LRRC4C: variants seen among roughly 807,000 people sequenced by gnomAD.
LRRC4C encodes the protein leucine-rich repeat-containing protein 4C.
LRRC4C carries 5 observed loss-of-function variants against 33.6 expected under a neutral mutation model. The observed-to-expected ratio is 0.15, with a 90% CI of 0.08 to 0.31. The LOEUF (loss-of-function observed/expected upper bound fraction) is 0.31. Among genes scored for constraint, LRRC4C ranks in the 10% least tolerant of loss-of-function variants. LRRC4C has a pLI of 1.00. For synonymous variants in LRRC4C, 329 were observed against 302.0 expected (o/e 1.09, Z -0.93); for missense variants, 560 against 796.7 (o/e 0.70, Z 3.58).
At chr11:40,862,407 G>T (rs753834435) in intron 2 of LRRC4C, among the ~76,000 whole-genome samples, 1 of 152,120 alleles carries the variant, frequency 6.6e-6, no homozygotes, top group Non-Finnish European at 1.5e-5. Context: ...AGGAGGCAAA[G>T]AATCATTTGT....
intron 4 of LRRC4C, among the ~76,000 whole-genome samples, chr11:40,266,806 T>C (rs1208371967): frequency 6.6e-6 from 1 of 152,160 alleles, no homozygotes; most frequent in African/African-American, 2.4e-5. Context: ...CAGTCAATAA[T>C]AGAGACAGTA....
In LRRC4C at chr11:40,184,581, G is replaced by A. The variant is rs561310772; in HGVS notation, c.-95-43728C>T. Among the ~76,000 whole-genome samples the A allele has an allele frequency of 2.6e-5, 4 of 152,304 alleles. No homozygotes were observed. In the East Asian group the frequency reaches 7.7e-4, roughly 29 times the overall value. Reference sequence around the variant, plus strand: ...CAAGCATCTGTGGCAGTCTTGGGGAGGTCATTGAATTTCTAACAGTACTCC... The same window carrying A: ...CAAGCATCTGTGGCAGTCTTGGGGAAGTCATTGAATTTCTAACAGTACTCC... On this transcript the variant is annotated intron_variant, in intron 5 of 6. Transcript: ENST00000528697.
In LRRC4C at chr11:40,321,615, CT is replaced by C. The variant is rs1945852764; in HGVS notation, c.-269-1895del. Among the ~76,000 whole-genome samples the C allele has an allele frequency of 2.6e-5, 4 of 152,290 alleles. No individual in the cohort carries two copies. The South Asian group carries it at 8.3e-4, about 32-fold the overall frequency. The stretch of plus-strand genomic sequence containing the variant: ...TTTAATCCCCAAGCCTATACTTTTT[CT>C]TACTATGAACTGTGCTATGTATCCT... On this transcript the variant is annotated intron_variant, in intron 3 of 6. Coordinates refer to ENST00000528697, the MANE Select transcript of LRRC4C (RefSeq NM_001258419.2).
chr11:40,643,956 C>A (rs75642242), intron 3 of LRRC4C, among the ~76,000 whole-genome samples: 1 of 151,928 alleles, frequency 6.6e-6, no homozygotes, highest in Non-Finnish European at 1.5e-5. Context: ...CTGCAAACTA[C>A]GTATTCTACC....
chr11:40,889,008 G>C (rs931227605), intron 2 of LRRC4C, among the ~76,000 whole-genome samples: 1 of 151,930 alleles, frequency 6.6e-6, no homozygotes, highest in African/African-American at 2.4e-5. Flanking sequence ...CTTCCTTCCT[G>C]GAGGGCAATT....
intron 3 of LRRC4C, among the ~76,000 whole-genome samples, chr11:40,579,784 G>A (rs1591166596): frequency 1.3e-5 from 2 of 152,150 alleles, no homozygotes; most frequent in East Asian, 3.9e-4. Flanking sequence ...AACCCTAACT[G>A]CTGGTTCTTC....
At chr11:40,987,713 T>C (rs1282215381) in intron 1 of LRRC4C, among the ~76,000 whole-genome samples, 1 of 145,034 alleles carries the variant, frequency 6.9e-6, no homozygotes, top group African/African-American at 2.5e-5. Context: ...GAGATATATA[T>C]GATATATATA....
At chr11:40,339,569 C>T (rs1228985428) in intron 3 of LRRC4C, among the ~76,000 whole-genome samples, 3 of 152,168 alleles carry the variant, frequency 2.0e-5, no homozygotes, top group Non-Finnish European at 4.4e-5. Context: ...ATAAAGCTGG[C>T]AGGCAATATA....
At chr11:41,185,448 T>C (rs948317772) in intron 1 of LRRC4C, among the ~76,000 whole-genome samples, 14 of 152,324 alleles carry the variant, frequency 9.2e-5, no homozygotes, top group African/African-American at 3.4e-4. Context: ...GTGTTTGTAA[T>C]CTGTAGAAGC....
chr11:40,242,189 T>C (rs573758093), intron 4 of LRRC4C, among the ~76,000 whole-genome samples: 1 of 152,336 alleles, frequency 6.6e-6, no homozygotes, highest in Admixed American at 6.5e-5. Context: ...AAATGTTTTT[T>C]TTCTTATTGC....
At chr11:41,410,568 G>GTAGC (rs1954433661) in intron 1 of LRRC4C, among the ~76,000 whole-genome samples, 1 of 151,920 alleles carries the variant, frequency 6.6e-6, no homozygotes, top group South Asian at 2.1e-4. Flanking sequence ...AGCCTCCCGA[G>GTAGC]TAGCTGGGAC....
chr11:41,366,395 T>C (rs1036893666), intron 1 of LRRC4C, among the ~76,000 whole-genome samples: 2 of 152,148 alleles, frequency 1.3e-5, no homozygotes, highest in Non-Finnish European at 2.9e-5. Context: ...GATAATAATT[T>C]AACCAAAAGC....
intron 4 of LRRC4C, among the ~76,000 whole-genome samples, chr11:40,319,182 C>G (rs538364559): frequency 2.0e-5 from 3 of 152,272 alleles, no homozygotes; most frequent in Admixed American, 6.5e-5. Context: ...TATTTAACCC[C>G]TTTTCTCTTC....
chr11:40,608,330 T>C (rs977771597), intron 3 of LRRC4C, among the ~76,000 whole-genome samples: 6 of 152,014 alleles, frequency 3.9e-5, no homozygotes, highest in African/African-American at 1.2e-4. Flanking sequence ...GTCATTACTA[T>C]AAGATCTTTT....
rs750075646 is a variant in LRRC4C at position 40,146,712 on chromosome 11, A to C, written c.-95-5859T>G. ...TTCTGAAACAATATTCCTTATCCTC[A>C]GATGATATGTTTTCCTTAATTTCTG... On this transcript the variant is annotated intron_variant, in intron 5 of 6. Transcript: ENST00000528697. 1.6e-4 allele frequency among the ~76,000 whole-genome samples: 24 copies of C among 152,178 alleles called. 1 individual carries two copies. Among genetic ancestry groups the C allele is most frequent in the South Asian group, 4.1e-4 (2 of 4,830 alleles).
intron 3 of LRRC4C, among the ~76,000 whole-genome samples, chr11:40,554,424 A>C (rs1390083756): frequency 6.6e-6 from 1 of 152,046 alleles, no homozygotes; most frequent in Non-Finnish European, 1.5e-5. Context: ...TTTTGCTTAT[A>C]ATTGCTTTAG....
intron 1 of LRRC4C, among the ~76,000 whole-genome samples, chr11:41,337,844 AAAAC>A (rs1189359965): frequency 3.9e-5 from 6 of 152,192 alleles, no homozygotes; most frequent in African/African-American, 1.2e-4. Flanking sequence ...GCACAAGAAA[AAAAC>A]AAACAACCCC....
At chr11:40,528,527 G>A (rs1044321367) in intron 3 of LRRC4C, among the ~76,000 whole-genome samples, 2 of 151,898 alleles carry the variant, frequency 1.3e-5, no homozygotes, top group Non-Finnish European at 2.9e-5. Context: ...TGGAACCCTT[G>A]TACATTGTCG....
chr11:40,578,291 A>G (rs1037524669), intron 3 of LRRC4C, among the ~76,000 whole-genome samples: 3 of 150,852 alleles, frequency 2.0e-5, no homozygotes, highest in Admixed American at 2.0e-4. Context: ...CGCAGGGAAA[A>G]CTTTTACATT....
Sources: gnomAD v4.1 joint callset for allele counts (sites outside exome capture counted in the v4.1 genomes callset) on GRCh38, gnomAD v4.1.1 for gene constraint, MANE v1.5 for transcripts, NCBI Gene and HGNC (gene_info 2026-07-23, HGNC 2026-07-21) for gene names.